The following KCNU1 variants were observed in gnomAD, a reference collection of about 807,000 sequenced individuals.
KCNU1 encodes the protein potassium calcium-activated channel subfamily U member 1.
Under a neutral mutation model 126.8 loss-of-function variants are expected in KCNU1, and 93 were observed. The observed-to-expected ratio is 0.73, with a 90% confidence interval of 0.62 to 0.87. The LOEUF is 0.87. KCNU1 is among the 40% of genes least tolerant of loss of function. The pLI is 0.00. For synonymous variants in KCNU1, 523 were observed against 494.2 expected (o/e 1.06, Z -0.77); for missense variants, 1,330 against 1,367.1 (o/e 0.97, Z 0.43).
rs141533536 is a variant in KCNU1, at chr8:36,914,579, C to T, written c.2521+3460C>T. 3.1e-3 allele frequency among the ~76,000 whole-genome samples: 464 copies of T among 152,096 alleles called. 1 individual carries two copies. Among genetic ancestry groups the T allele is most frequent in the Non-Finnish European group, 4.8e-3 (326 of 68,010 alleles). ...GCTATTCACTGCAGAAATTCACCAA[C>T]GGAAATTGGATGAGGCGGGGGGTTT... On this transcript the variant is annotated intron_variant, in intron 22 of 26. Transcript: ENST00000399881.
Position 36,845,821 on chromosome 8 carries a change from G to A in KCNU1, c.1813G>A (p.Val605Ile), listed in dbSNP as rs767667205. The part of the protein sequence containing the change: ...DVRRALFYCS[V>I]CHDDVFIPEL... ...GTCCAGAGCCTTGTTTTACTGTTCA[G>A]TCTGTCATGATGATGTGTTCATTCC... Residue 605 changes from valine to isoleucine, a missense_variant, in exon 18 of 27, where the codon GTC (valine) becomes ATC (isoleucine). Coordinates refer to ENST00000399881, the MANE Select transcript of KCNU1 (RefSeq NM_001031836.3). 6.2e-7 allele frequency: 1 copy of A among 1,609,718 alleles called. No individual in the cohort carries two copies. The highest frequency in any genetic ancestry group is 8.5e-7 in the Non-Finnish European group (1 of 1,177,066).
At chr8:36,888,703 C>G (rs527719713) in intron 19 of KCNU1, 11 of 534,514 alleles carry the variant, frequency 2.1e-5, no homozygotes, top group African/African-American at 1.5e-4. Context: ...TTGTTACAAA[C>G]CATCACTTGC....
chr8:36,922,298 C>T (rs1483251589), intron 23 of KCNU1, among the ~76,000 whole-genome samples, 192 bp from the exon 24 acceptor site: 4 of 151,486 alleles, frequency 2.6e-5, no homozygotes, highest in African/African-American at 9.7e-5. Context: ...GAACTATGTA[C>T]TTTGTGGGAA....
Position 36,814,339 on chromosome 8 carries a change from G to T in KCNU1, c.865G>T (p.Gly289Ter), listed in dbSNP as rs1432637646. The T allele has an allele frequency of 2.5e-6, 4 of 1,612,652 alleles. No homozygotes were observed. The highest frequency in any genetic ancestry group is 1.7e-5 in the Admixed American group (1 of 59,918). The change falls in exon 8 of 27, where the codon GGA becomes TGA. Residue 289 changes from glycine to a stop codon, truncating the protein, a stop_gained. Transcript: ENST00000399881. LOFTEE classifies it high-confidence loss of function. The stretch of plus-strand genomic sequence containing the variant: ...AGATGTGGTAGCCAAGACATCCTTA[G>T]GACGGACCTTCATCATGTTCTTCAC... ...FGDVVAKTSL[G>*]RTFIMFFTLG...
chr8:36,888,460 A>G (rs1806804735), intron 19 of KCNU1: 1 of 455,594 alleles, frequency 2.2e-6, no homozygotes, highest in Admixed American at 2.5e-5. Context: ...TGCCACCTTC[A>G]TCTCCCTTCA....
At chr8:36,882,255 G>A (rs1026714074) in intron 19 of KCNU1, among the ~76,000 whole-genome samples, 2 of 152,172 alleles carry the variant, frequency 1.3e-5, no homozygotes, top group African/African-American at 4.8e-5. Context: ...GAAACCAGCA[G>A]GGCTGTGGAG....
intron 16 of KCNU1, among the ~76,000 whole-genome samples, chr8:36,841,325 C>T (rs1414010848): frequency 1.3e-5 from 2 of 152,256 alleles, no homozygotes; most frequent in Admixed American, 1.3e-4. Flanking sequence ...ATTACCAGAT[C>T]TTGACCATGA....
rs1313423420 is a variant in KCNU1 at position 36,804,001 on chromosome 8, C to T, written c.316-26C>T. 2.0e-6 allele frequency: 3 copies of T among 1,475,900 alleles called. No individual in the cohort carries two copies. In the African/African-American group the frequency reaches 4.2e-5, roughly 21 times the overall value. 91.4% of individuals were successfully genotyped at this position (1,475,900 alleles called of 1,614,324 possible). ...TTAATGCAAATGAAGTGGATTTAGACATTTGTCCCTGTTTTTCATTTTCAG... is the reference window on the plus strand; with the variant it reads ...TTAATGCAAATGAAGTGGATTTAGATATTTGTCCCTGTTTTTCATTTTCAG... On this transcript the variant is annotated intron_variant, in intron 2 of 26. Transcript: ENST00000399881.
At chr8:36,867,284 G>A (rs1326046680) in intron 19 of KCNU1, among the ~76,000 whole-genome samples, 1 of 152,072 alleles carries the variant, frequency 6.6e-6, no homozygotes, top group Non-Finnish European at 1.5e-5. Flanking sequence ...AAAGGTGGGA[G>A]ACAGTGGGAA....
At chr8:36,904,253 C>T (rs1807534724) in intron 19 of KCNU1, among the ~76,000 whole-genome samples, 1 of 152,142 alleles carries the variant, frequency 6.6e-6, no homozygotes, top group Non-Finnish European at 1.5e-5. Context: ...CCAGCACAGG[C>T]CAAGCAGGCC....
At chr8:36,792,586 T>C (rs1802942979) in intron 2 of KCNU1, among the ~76,000 whole-genome samples, 1 of 152,198 alleles carries the variant, frequency 6.6e-6, no homozygotes, top group Non-Finnish European at 1.5e-5. Flanking sequence ...TTTCCCCCAC[T>C]ACCATTTCAC....
chr8:36,834,460 A>G (rs1323473914), intron 11 of KCNU1, among the ~76,000 whole-genome samples: 1 of 152,222 alleles, frequency 6.6e-6, no homozygotes, highest in Admixed American at 6.5e-5. Flanking sequence ...GTTGCTTATA[A>G]AGGCCTTAGG....
chr8:36,788,731 G>A (rs776896387), intron 2 of KCNU1, among the ~76,000 whole-genome samples: 33 of 152,160 alleles, frequency 2.2e-4, no homozygotes, highest in Non-Finnish European at 3.7e-4. Flanking sequence ...TGAAATCTCT[G>A]TGGGTATGAC....
intron 19 of KCNU1, among the ~76,000 whole-genome samples, chr8:36,886,013 G>A (rs1012825596): frequency 1.3e-5 from 2 of 152,074 alleles, no homozygotes; most frequent in Non-Finnish European, 2.9e-5. Flanking sequence ...CGAAAAATCT[G>A]AGACTTCATC....
chr8:36,835,688 T>G (rs920266770), intron 12 of KCNU1, among the ~76,000 whole-genome samples: 4 of 152,132 alleles, frequency 2.6e-5, no homozygotes, highest in Admixed American at 2.6e-4. Flanking sequence ...TGTTATTACA[T>G]TAAACTGTGA....
intron 24 of KCNU1, among the ~76,000 whole-genome samples, 165 bp from the exon 25 acceptor site, chr8:36,930,786 A>T (rs570782161): frequency 2.0e-5 from 3 of 152,082 alleles, no homozygotes; most frequent in African/African-American, 7.2e-5. Flanking sequence ...CAGTACCCAA[A>T]CTGCCATCCT....
chr8:36,880,047 A>C (rs898339041), intron 19 of KCNU1, among the ~76,000 whole-genome samples: 1 of 152,196 alleles, frequency 6.6e-6, no homozygotes, highest in Non-Finnish European at 1.5e-5. Flanking sequence ...GCTTGGGAAA[A>C]GGTCATTGGT....
At chr8:36,788,842 G>C (rs1387006902) in intron 2 of KCNU1, among the ~76,000 whole-genome samples, 3 of 152,102 alleles carry the variant, frequency 2.0e-5, no homozygotes, top group African/African-American at 7.2e-5. Context: ...GAAACTTTGG[G>C]AATAATATAT....
At chr8:36,789,943 A>G (rs2130332782) in intron 2 of KCNU1, among the ~76,000 whole-genome samples, 1 of 152,332 alleles carries the variant, frequency 6.6e-6, no homozygotes, top group South Asian at 2.1e-4. Context: ...GAGACTGGAA[A>G]ATGGCACAGT....
Sources: gnomAD v4.1 joint callset for allele counts (sites outside exome capture counted in the v4.1 genomes callset) on GRCh38, gnomAD v4.1.1 for gene constraint, MANE v1.5 for transcripts, NCBI Gene and HGNC (gene_info 2026-07-23, HGNC 2026-07-21) for gene names.